PTPRG: variants seen among roughly 807,000 people sequenced by gnomAD.
PTPRG encodes the protein receptor-type tyrosine-protein phosphatase gamma.
In PTPRG, 102 loss-of-function variants were observed where a neutral mutation model predicts 165.3. The ratio of observed to expected loss-of-function variants is 0.62; its 90% CI spans 0.53 to 0.73. The LOEUF is 0.73. Ranked by LOEUF, PTPRG falls within the 30% of genes least tolerant of loss-of-function variation. The pLI is 0.00. For missense variants in PTPRG, 1,866 were observed against 1,861.4 expected (o/e 1.00, Z -0.05); for synonymous variants, 675 against 669.5 (o/e 1.01, Z -0.13).
chr3:61,897,524 C>A (rs962845641), intron 2 of PTPRG, among the ~76,000 whole-genome samples: 1 of 152,070 alleles, frequency 6.6e-6, no homozygotes, highest in Non-Finnish European at 1.5e-5. Flanking sequence ...TAGAAAGATT[C>A]TTCTCTCTCG....
rs1220570948 is a variant in PTPRG at position 62,203,954 on chromosome 3, AGT to A, written c.2155+6_2155+7del. On this transcript the variant is annotated splice_donor_5th_base_variant and intron_variant, in intron 12 of 29. Transcript: ENST00000474889. This position sits in a 1 kb window ranked among gnomAD's most constrained non-coding sequence, Gnocchi z 6.4. ...AGATTTATCACTGTTAATCCAGGTA[AGT>A]GGTGCAGGTCTTCTTCGAGGGTTCC... 10 of 1,555,558 alleles carry A rather than the reference AGT, an allele frequency of 6.4e-6. No homozygotes were observed. Among genetic ancestry groups the A allele is most frequent in the Non-Finnish European group, 7.0e-6 (8 of 1,148,068 alleles).
At chr3:62,182,192 A>T (rs1705679963) in intron 8 of PTPRG, among the ~76,000 whole-genome samples, 1 of 152,114 alleles carries the variant, frequency 6.6e-6, no homozygotes, top group Non-Finnish European at 1.5e-5. Context: ...GAAGAGGAGG[A>T]GTTCGTTGCC....
chr3:61,721,836 G>A (rs1268406460), intron 1 of PTPRG, among the ~76,000 whole-genome samples: 3 of 152,156 alleles, frequency 2.0e-5, no homozygotes, highest in Admixed American at 6.5e-5. Flanking sequence ...AGATCCAGAA[G>A]TAGTGTATTT....
intron 2 of PTPRG, among the ~76,000 whole-genome samples, chr3:61,800,841 GC>G (rs1186938760): frequency 6.6e-6 from 1 of 151,952 alleles, no homozygotes; most frequent in Non-Finnish European, 1.5e-5. Flanking sequence ...ATAGGGTTTC[GC>G]CATGTTTGTC....
chr3:62,059,162 A>G (rs1700725521), intron 4 of PTPRG, among the ~76,000 whole-genome samples: 2 of 152,202 alleles, frequency 1.3e-5, no homozygotes, highest in Admixed American at 6.5e-5. Flanking sequence ...AAATGGGGAT[A>G]ATAGTAACAC....
Position 62,083,649 on chromosome 3 carries a change from A to C in PTPRG, c.615+5391A>C, listed in dbSNP as rs574861152. Among the ~76,000 whole-genome samples the C allele has an allele frequency of 2.6e-5, 4 of 152,334 alleles. No homozygotes were observed. The South Asian group carries it at 8.3e-4, about 32-fold the overall frequency. On this transcript the variant is annotated intron_variant, in intron 5 of 29. Transcript: ENST00000474889. Reference sequence around the variant, plus strand: ...GGTTTCTTTTTAAGTTGGTAGAAGAAAGAGTACCCAATACTTACAATGACC... The same window carrying C: ...GGTTTCTTTTTAAGTTGGTAGAAGACAGAGTACCCAATACTTACAATGACC...
Position 61,887,067 on chromosome 3 carries a change from G to C in PTPRG, c.191-102558G>C, listed in dbSNP as rs191798946. On this transcript the variant is annotated intron_variant, in intron 2 of 29. Transcript: ENST00000474889. ...AGGAAACATCTCTTATTTTCTGATT[G>C]TTTTCCACTTAAGCATTATCTCGGA... Among the ~76,000 whole-genome samples, 473 of 128,258 alleles carry C rather than the reference G, an allele frequency of 3.7e-3. 3 individuals carry two copies. The highest frequency in any genetic ancestry group is 0.013 in the African/African-American group (457 of 35,502). 84.1% of individuals were successfully genotyped at this position (128,258 alleles called of 152,430 possible). A position where few individuals can be genotyped will look rare whatever the true frequency, so the allele number is the denominator to read the frequency against.
intron 1 of PTPRG, among the ~76,000 whole-genome samples, chr3:61,614,341 G>T (rs1002812908): frequency 6.6e-6 from 1 of 151,460 alleles, no homozygotes; most frequent in Non-Finnish European, 1.5e-5. Flanking sequence ...GACCTTGAGT[G>T]AGTTACTAAA....
chr3:61,960,322 C>G (rs1417411071), intron 2 of PTPRG, among the ~76,000 whole-genome samples: 1 of 149,758 alleles, frequency 6.7e-6, no homozygotes, highest in East Asian at 1.9e-4. Flanking sequence ...GGCATGGCCT[C>G]TTCTTCTTGA....
At chr3:62,276,910 A>C (rs1284778322) in intron 24 of PTPRG, 62 bp from the exon 25 acceptor site, 12 of 1,235,922 alleles carry the variant, frequency 9.7e-6, no homozygotes, top group Middle Eastern at 1.9e-4. Flanking sequence ...TCTCAGAAAG[A>C]GCTGTTGGTT....
chr3:62,082,269 A>G (rs1012564542), intron 5 of PTPRG, among the ~76,000 whole-genome samples: 1 of 152,096 alleles, frequency 6.6e-6, no homozygotes, highest in African/African-American at 2.4e-5. Flanking sequence ...ATTCCTGGTA[A>G]TTTTGGCTTT....
Position 62,101,645 on chromosome 3 carries a change from G to A in PTPRG, c.615+23387G>A, listed in dbSNP as rs184259132. ...TAACTAGGAGCACTTTTCTTTCATC[G>A]TTATCCTCATGTAGAATTTGGCAGT... On this transcript the variant is annotated intron_variant, in intron 5 of 29. Transcript: ENST00000474889. Among the ~76,000 whole-genome samples, 1,042 of 152,244 alleles carry A rather than the reference G, an allele frequency of 6.8e-3. 14 individuals carry two copies. The highest frequency in any genetic ancestry group is 0.024 in the African/African-American group (993 of 41,532).
intron 4 of PTPRG, among the ~76,000 whole-genome samples, chr3:62,058,341 TA>T (rs1248528322): frequency 4.6e-5 from 7 of 151,900 alleles, no homozygotes; most frequent in Non-Finnish European, 8.8e-5. Context: ...TTATTATTAT[TA>T]TTATTTTTTT....
intron 2 of PTPRG, among the ~76,000 whole-genome samples, chr3:61,883,124 GTGTC>G (rs1181573641): frequency 6.6e-6 from 1 of 152,204 alleles, no homozygotes; most frequent in Non-Finnish European, 1.5e-5. Flanking sequence ...GGCCTCCAGG[GTGTC>G]TGTCCTTGGG....
rs558381948 is a variant in PTPRG at position 62,090,732 on chromosome 3, A to G, written c.615+12474A>G. Among the ~76,000 whole-genome samples the G allele has an allele frequency of 3.6e-4, 55 of 152,290 alleles. 1 individual carries two copies. The South Asian group carries it at 0.011, about 30-fold the overall frequency. On this transcript the variant is annotated intron_variant, in intron 5 of 29. Coordinates refer to ENST00000474889, the MANE Select transcript of PTPRG (RefSeq NM_002841.4). ...CTCTGATAATTCTGCCAAGCATTCT[A>G]TGTGCGTTATCCCATTTCATGCTCA...
chr3:61,654,558 G>T (rs1238617096), intron 1 of PTPRG, among the ~76,000 whole-genome samples: 1 of 151,410 alleles, frequency 6.6e-6, no homozygotes, highest in East Asian at 2.0e-4. Context: ...CTAGTTTTTT[G>T]TATTTTTAGT....
rs185416141 is a variant in PTPRG, at chr3:62,296,588, A to G, written c.*3281A>G. On this transcript the variant is annotated 3_prime_UTR_variant, in exon 30 of 30. Coordinates refer to ENST00000474889, the MANE Select transcript of PTPRG (RefSeq NM_002841.4). ...TACTGGAAATGCATTTTCAACTCCT[A>G]TGTTCTAAAGTTTATGTTCAAATGG... The G allele has an allele frequency of 7.3e-5, 11 of 151,112 alleles. No individual in the cohort carries two copies. The highest frequency in any genetic ancestry group is 2.1e-4 in the South Asian group (1 of 4,798). 9.4% of individuals were successfully genotyped at this position (151,112 alleles called of 1,614,324 possible).
At chr3:61,676,710 T>C (rs1703246190) in intron 1 of PTPRG, among the ~76,000 whole-genome samples, 1 of 152,056 alleles carries the variant, frequency 6.6e-6, no homozygotes, top group Non-Finnish European at 1.5e-5. Flanking sequence ...ATCTCTCTGT[T>C]GTTTATTTAC....
chr3:62,085,205 A>C (rs181151312), intron 5 of PTPRG, among the ~76,000 whole-genome samples: 6 of 152,324 alleles, frequency 3.9e-5, no homozygotes, highest in African/African-American at 1.4e-4. Flanking sequence ...GTTTTATCAC[A>C]TTATTAATTA....
Sources: gnomAD v4.1 joint callset for allele counts (sites outside exome capture counted in the v4.1 genomes callset) on GRCh38, gnomAD v4.1.1 for gene constraint, Gnocchi (gnomAD v3.1) non-coding constraint, MANE v1.5 for transcripts, NCBI Gene and HGNC (gene_info 2026-07-23, HGNC 2026-07-21) for gene names.